CFAP52: variants seen among roughly 807,000 people sequenced by gnomAD.
CFAP52 encodes the protein cilia and flagella associated protein 52, also known as cilia- and flagella-associated protein 52.
A neutral mutation model predicts 70.5 loss-of-function variants in CFAP52; 57 were observed. The observed-to-expected ratio is 0.81, with a 90% confidence interval of 0.65 to 1.01. The LOEUF is 1.01. Among genes scored for constraint, CFAP52 ranks in the 50% least tolerant of loss-of-function variants. The probability of loss-of-function intolerance (pLI) is 0.00; values close to 1 mark genes in which losing one functional copy is unlikely to be tolerated. For synonymous variants in CFAP52, 267 were observed against 292.5 expected, an observed-to-expected ratio of 0.91 and a Z score of 0.89; for missense variants, 785 against 788.5, an observed-to-expected ratio of 1.00 and a Z score of 0.05.
chr17:9,590,088 T>G (rs1041672693), intron 3 of CFAP52: 2 of 199,460 alleles, frequency 1.0e-5, no homozygotes, highest in African/African-American at 4.7e-5. Context: ...AATCCAGTTG[T>G]TTTTTGAATA....
At chr17:9,642,877 C>A in intron 13 of CFAP52, 146 bp from the exon 14 acceptor site, 2 of 722,954 alleles carry the variant, frequency 2.8e-6, no homozygotes, top group Non-Finnish European at 4.1e-6. Flanking sequence ...TTTACTGCAA[C>A]AGATAGATTT....
chr17:9,612,479 T>C lies in CFAP52; in HGVS notation c.1025T>C (p.Phe342Ser). 2 of 1,613,152 alleles carry C rather than the reference T, an allele frequency of 1.2e-6. No individual in the cohort carries two copies. The highest frequency in any genetic ancestry group is 2.2e-5 in the South Asian group (2 of 91,030). ...FDAVEDIVFPFGTAELFATCA... is the reference protein window; with the variant it reads ...FDAVEDIVFPSGTAELFATCA... ...GCTGTCGAGGATATTGTCTTTCCAT[T>C]GTGAGTAGAAGAGAAAAACAAGAAT... Residue 342 changes from phenylalanine to serine, a missense_variant and splice_region_variant, in exon 8 of 14, where the codon TTT (phenylalanine) becomes TCT (serine). Phe to Ser is a radical substitution (Grantham distance 155). Transcript: ENST00000352665.
rs748312304 is a variant in CFAP52, at chr17:9,600,553, C to CTTTG, written c.753+394_753+397dup. Among the ~76,000 whole-genome samples, 1,021 of 152,004 alleles carry CTTTG rather than the reference C, an allele frequency of 6.7e-3. 11 individuals carry two copies. Among genetic ancestry groups the CTTTG allele is most frequent in the Non-Finnish European group, 8.6e-3 (587 of 67,920 alleles). On this transcript the variant is annotated intron_variant, in intron 6 of 13. Coordinates refer to ENST00000352665, the MANE Select transcript of CFAP52 (RefSeq NM_145054.5). ...CCACCATGCCCGGACAAAGCACACA[C>CTTTG]TTTGTTTGTTTGTTTGTTTGTTTGT... is the stretch of plus-strand genomic sequence containing the variant.
At chr17:9,598,658 G>A in intron 5 of CFAP52, 1 of 164,286 alleles carries the variant, frequency 6.1e-6, no homozygotes, top group Non-Finnish European at 1.3e-5. Flanking sequence ...CTACTTGGGA[G>A]GTTGAGGCAG....
chr17:9,621,964 C>A (rs12602375), intron 8 of CFAP52, among the ~76,000 whole-genome samples: 20,580 of 150,698 alleles, frequency 0.14, 1,405 homozygotes, highest in East Asian at 0.35. Flanking sequence ...TGTAACTAAC[C>A]TGCACAATGT....
rs565039293 is a variant in CFAP52, at chr17:9,629,141, T to C, written c.1174+321T>C. Among the ~76,000 whole-genome samples the C allele has an allele frequency of 7.2e-5, 11 of 152,340 alleles. No individual in the cohort carries two copies. The South Asian group carries it at 2.3e-3, about 32-fold the overall frequency. ...CAGGTCCCCCATGTGAGGACCCTTT[T>C]TGTTGTGTAAGAGATAAAACCCTGA... On this transcript the variant is annotated intron_variant, in intron 9 of 13. Coordinates refer to ENST00000352665, the MANE Select transcript of CFAP52 (RefSeq NM_145054.5).
At chr17:9,598,729 C>G (rs1489413357) in intron 5 of CFAP52, among the ~76,000 whole-genome samples, 1 of 143,392 alleles carries the variant, frequency 7.0e-6, no homozygotes, top group Non-Finnish European at 1.5e-5. Flanking sequence ...CCACTGCACT[C>G]CAGCCTGGAC....
In CFAP52 at chr17:9,635,449, G is replaced by T; in HGVS notation, c.1365G>T (p.Glu455Asp). Residue 455 changes from glutamate to aspartate, a missense_variant, in exon 11 of 14, where the codon GAG becomes GAT. By Grantham distance (45) the Glu-to-Asp change is conservative. Coordinates refer to ENST00000352665, the MANE Select transcript of CFAP52 (RefSeq NM_145054.5). ...GCTGTCAGACCCAGAAGCTGGAGGA[G>T]GCCCTGAAGGAACACAAGTCATCAG... ...QIGCQTQKLE[E>D]ALKEHKSSVS... is the part of the protein sequence containing the mutation. The T allele has an allele frequency of 1.2e-6, 2 of 1,614,218 alleles. No homozygotes were observed. The highest frequency in any genetic ancestry group is 1.7e-6 in the Non-Finnish European group (2 of 1,180,046).
chr17:9,607,812 C>T lies in CFAP52; in HGVS notation c.754-307C>T, dbSNP rs907623168. ...GTGAAGCCTGTTTGCATCCTGTAGG[C>T]CCAGGAGGGTTACTTCCTGGCAAGT... is the stretch of plus-strand genomic sequence containing the variant. On this transcript the variant is annotated intron_variant, in intron 6 of 13. Coordinates refer to ENST00000352665, the MANE Select transcript of CFAP52 (RefSeq NM_145054.5). Among the ~76,000 whole-genome samples, 3 of 152,172 alleles carry T rather than the reference C, an allele frequency of 2.0e-5. No individual in the cohort carries two copies. The South Asian group carries it at 6.2e-4, about 32-fold the overall frequency.
In CFAP52 at chr17:9,631,416, G is replaced by A. The variant is rs142293963; in HGVS notation, c.1175-1472G>A. 2.1e-3 allele frequency among the ~76,000 whole-genome samples: 327 copies of A among 152,232 alleles called. 2 individuals are homozygous for A. The highest frequency in any genetic ancestry group is 7.6e-3 in the African/African-American group (315 of 41,532). On this transcript the variant is annotated intron_variant, in intron 9 of 13. Coordinates refer to ENST00000352665, the MANE Select transcript of CFAP52 (RefSeq NM_145054.5). ...ACCTCCTCAAATCTTTGCTGAAATG[G>A]GATCTACCTTTAGCATTCTATTTTA...
At chr17:9,592,336 G>A (rs867175466) in intron 3 of CFAP52, among the ~76,000 whole-genome samples, 111 of 152,200 alleles carry the variant, frequency 7.3e-4, no homozygotes, top group African/African-American at 2.5e-3. Context: ...CGTGGTGGTG[G>A]TGGGCCCCTG....
chr17:9,643,686 C>T (rs1264463294), downstream of CFAP52, among the ~76,000 whole-genome samples: 2 of 152,170 alleles, frequency 1.3e-5, no homozygotes, highest in African/African-American at 4.8e-5. Context: ...AGAGTAAGTT[C>T]CTGCTCAAAA....
In CFAP52 at chr17:9,593,486, C is replaced by T. The variant is rs7222390; in HGVS notation, c.408-707C>T. On this transcript the variant is annotated intron_variant, in intron 3 of 13. Coordinates refer to ENST00000352665, the MANE Select transcript of CFAP52 (RefSeq NM_145054.5). ...GTTTTTTGTTTTCGAGACGCAGTCTCGCTCTCTTGCCCAGGCTGGAGTGCA... is the reference window on the plus strand; with the variant it reads ...GTTTTTTGTTTTCGAGACGCAGTCTTGCTCTCTTGCCCAGGCTGGAGTGCA... Among the ~76,000 whole-genome samples the T allele has an allele frequency of 9.1e-3, 1,385 of 152,276 alleles. 15 individuals are homozygous for T. Among genetic ancestry groups the T allele is most frequent in the African/African-American group, 0.031 (1,303 of 41,582 alleles).
Position 9,633,407 on chromosome 17 carries a change from G to A in CFAP52, c.1320+374G>A, listed in dbSNP as rs375080248. Among the ~76,000 whole-genome samples the A allele has an allele frequency of 7.7e-4, 117 of 152,128 alleles. 1 individual carries two copies. The highest frequency in any genetic ancestry group is 2.6e-3 in the African/African-American group (106 of 41,508). On this transcript the variant is annotated intron_variant, in intron 10 of 13. Coordinates refer to ENST00000352665, the MANE Select transcript of CFAP52 (RefSeq NM_145054.5). ...TTTAGTAGAGATGGGGTTTCACCAT[G>A]TTGGCCAGGCTGGTCTCAAACTCCT...
intron 1 of CFAP52, among the ~76,000 whole-genome samples, chr17:9,577,396 A>C (rs1189652433): frequency 6.6e-6 from 1 of 152,188 alleles, no homozygotes; most frequent in African/African-American, 2.4e-5. Flanking sequence ...CTCCGCTGAA[A>C]TCTTATTTGT....
intron 3 of CFAP52, among the ~76,000 whole-genome samples, chr17:9,591,572 A>G (rs1353720378): frequency 6.6e-6 from 1 of 152,098 alleles, no homozygotes; most frequent in African/African-American, 2.4e-5. Context: ...TGTTTTATCT[A>G]TTTTTAAAAC....
chr17:9,621,927 C>T lies in CFAP52; in HGVS notation c.1026-6745C>T, dbSNP rs963236829. On this transcript the variant is annotated intron_variant, in intron 8 of 13. Coordinates refer to ENST00000352665, the MANE Select transcript of CFAP52 (RefSeq NM_145054.5). ...CTAGATGACACGTTAGTGGGTGCAG[C>T]GCACCAGCATGGCACATGTATACAT... Among the ~76,000 whole-genome samples the T allele has an allele frequency of 6.9e-4, 103 of 149,722 alleles. 1 individual carries two copies. Among genetic ancestry groups the T allele is most frequent in the Middle Eastern group, 6.8e-3 (2 of 294 alleles).
chr17:9,616,148 T>C (rs577483451), intron 8 of CFAP52, among the ~76,000 whole-genome samples: 1 of 141,954 alleles, frequency 7.0e-6, no homozygotes, highest in South Asian at 2.1e-4. Context: ...GCGCGCACCG[T>C]GCGCGAGCCG....
chr17:9,633,476 A>C (rs191742938), intron 10 of CFAP52, among the ~76,000 whole-genome samples: 1 of 152,110 alleles, frequency 6.6e-6, no homozygotes, highest in African/African-American at 2.4e-5. Context: ...AAGTGCTGGG[A>C]TTACAGGTAT....
Sources: gnomAD v4.1 joint callset for allele counts (sites outside exome capture counted in the v4.1 genomes callset) on GRCh38, gnomAD v4.1.1 for gene constraint, MANE v1.5 for transcripts, NCBI Gene and HGNC (gene_info 2026-07-23, HGNC 2026-07-21) for gene names.